Variants in SYCP2 observed in about 807,000 individuals in gnomAD.
SYCP2 encodes the protein synaptonemal complex lateral element protein.
In SYCP2, 55 loss-of-function variants were observed where a neutral mutation model predicts 211.3. That is an observed-to-expected ratio of 0.26 (90% CI 0.21 to 0.33). The LOEUF is 0.33. SYCP2 is among the 10% of genes least tolerant of loss of function. The probability of loss-of-function intolerance (pLI) is 1.00; values close to 1 mark genes in which losing one functional copy is unlikely to be tolerated. For synonymous variants in SYCP2, 570 were observed against 555.2 expected, an observed-to-expected ratio of 1.03 and a Z score of -0.37; for missense variants, 1,731 against 1,752.0, an observed-to-expected ratio of 0.99 and a Z score of 0.21.
chr20:59,916,975 A>C (rs1277692503), intron 7 of SYCP2, among the ~76,000 whole-genome samples: 1 of 152,182 alleles, frequency 6.6e-6, no homozygotes, highest in Non-Finnish European at 1.5e-5. Context: ...GTTCAGAAGA[A>C]GGCCCACCAG....
chr20:59,881,364 ACT>A (rs1472052511), intron 29 of SYCP2, 71 bp downstream of exon 29: 19 of 799,718 alleles, frequency 2.4e-5, no homozygotes, highest in South Asian at 8.5e-5. Flanking sequence ...TTGTTAAAAA[ACT>A]CTAAGACTGG....
intron 42 of SYCP2, 31 bp downstream of exon 42, chr20:59,865,776 A>G (rs2059320134): frequency 8.2e-7 from 1 of 1,213,852 alleles, no homozygotes; most frequent in East Asian, 2.8e-5. Flanking sequence ...CTAATTTTAT[A>G]GATTATAGCC....
At chr20:59,874,641 A>C (rs536502222) in intron 34 of SYCP2, among the ~76,000 whole-genome samples, 33 of 152,188 alleles carry the variant, frequency 2.2e-4, no homozygotes, top group Admixed American at 6.5e-4. Flanking sequence ...ATACTAACTG[A>C]TTTAAGTCTT....
Position 59,866,313 on chromosome 20 carries a change from C to A in SYCP2, c.4300G>T (p.Asp1434Tyr). 6.3e-7 allele frequency: 1 copy of A among 1,586,300 alleles called. No individual in the cohort carries two copies. Among genetic ancestry groups the A allele is most frequent in the Non-Finnish European group, 8.6e-7 (1 of 1,169,572 alleles). The change falls in exon 41 of 45, where the codon GAT becomes TAT. Residue 1434 changes from aspartate to tyrosine, a missense_variant. Asp to Tyr is a radical substitution (Grantham distance 160). Transcript: ENST00000357552. ...NFEKDSQSLK[D>Y]LEKEFVDFWE... Reference sequence around the variant, plus strand: ...CAAACCACAAATTCCTTTTCCAAATCTTTTAAAGACTGTGAATCTTTTTCA... The same window carrying A: ...CAAACCACAAATTCCTTTTCCAAATATTTTAAAGACTGTGAATCTTTTTCA...
chr20:59,919,102 C>A, intron 7 of SYCP2, 56 bp downstream of exon 7: 1 of 934,000 alleles, frequency 1.1e-6, no homozygotes, highest in Non-Finnish European at 1.7e-6. Flanking sequence ...TAAAATTATA[C>A]TAAAACTCTA....
chr20:59,911,960 G>A, intron 13 of SYCP2, 115 bp from the exon 14 acceptor site: 7 of 435,362 alleles, frequency 1.6e-5, no homozygotes, highest in Non-Finnish European at 2.9e-5. Context: ...AGAGAGAAGA[G>A]AAAGAACAGA....
intron 14 of SYCP2, among the ~76,000 whole-genome samples, chr20:59,909,711 C>T (rs551399454): frequency 1.8e-4 from 27 of 152,268 alleles, no homozygotes; most frequent in African/African-American, 6.5e-4. Context: ...TTCAATGTTC[C>T]GTTTACTCAT....
intron 1 of SYCP2, among the ~76,000 whole-genome samples, chr20:59,932,957 G>A (rs1009226722): frequency 1.3e-5 from 2 of 152,056 alleles, no homozygotes; most frequent in African/African-American, 2.4e-5. Context: ...TGGCAACAAC[G>A]AGGCCGAAGG....
At chr20:59,885,371 T>C (rs962955399) in intron 26 of SYCP2, among the ~76,000 whole-genome samples, 2 of 152,050 alleles carry the variant, frequency 1.3e-5, no homozygotes, top group South Asian at 2.1e-4. Context: ...ATAAAACCTA[T>C]TGTAACAATC....
At chr20:59,878,235 C>T (rs934732623) in intron 31 of SYCP2, among the ~76,000 whole-genome samples, 190 bp from the exon 32 acceptor site, 3 of 152,110 alleles carry the variant, frequency 2.0e-5, no homozygotes, top group Non-Finnish European at 4.4e-5. Context: ...CTCCTGACAC[C>T]GTAATCTTCT....
At chr20:59,885,402 C>T (rs1312180635) in intron 26 of SYCP2, among the ~76,000 whole-genome samples, 2 of 151,936 alleles carry the variant, frequency 1.3e-5, no homozygotes, top group African/African-American at 2.4e-5. Flanking sequence ...AAATCAGAAC[C>T]GAAACTGGGC....
rs1029404450 is a variant in SYCP2 at position 59,896,526 on chromosome 20, T to C, written c.1407A>G (p.Lys469=). The part of the protein sequence containing the change: ...KGNRNNSQLE[K]TTPSKRKMSE... ...ACATTTTTCTTTTGCTAGGAGTAGT[T>C]TTCTGAAACCACGATGAAAAACAAC... The change falls in exon 19 of 45, where the codon AAA becomes AAG. Residue 469 remains lysine, a splice_region_variant and synonymous_variant. Transcript: ENST00000357552. 9 of 1,579,800 alleles carry C rather than the reference T, an allele frequency of 5.7e-6. No individual in the cohort carries two copies. Among genetic ancestry groups the C allele is most frequent in the Non-Finnish European group, 7.8e-6 (9 of 1,150,792 alleles).
intron 18 of SYCP2, 91 bp from the exon 19 acceptor site, chr20:59,896,619 C>T (rs1425167011): frequency 1.5e-6 from 1 of 654,566 alleles, no homozygotes; most frequent in Non-Finnish European, 2.7e-6. Context: ...TGCCTTGATA[C>T]ATGCCAAAGA....
chr20:59,893,927 C>T (rs1490240333), intron 20 of SYCP2, among the ~76,000 whole-genome samples: 2 of 151,996 alleles, frequency 1.3e-5, no homozygotes, highest in Non-Finnish European at 2.9e-5. Context: ...ACATAGCCTG[C>T]TTTATCTATT....
chr20:59,914,562 T>C (rs2060396422), intron 10 of SYCP2, among the ~76,000 whole-genome samples: 1 of 152,004 alleles, frequency 6.6e-6, no homozygotes, highest in African/African-American at 2.4e-5. Context: ...ACCCACACAG[T>C]TGTCTGTAAG....
At chr20:59,927,678 C>G (rs943277106) in intron 2 of SYCP2, among the ~76,000 whole-genome samples, 2 of 152,134 alleles carry the variant, frequency 1.3e-5, no homozygotes, top group Non-Finnish European at 2.9e-5. Context: ...TACCTTTTCC[C>G]TACTCCTAGC....
At chr20:59,909,576 C>T (rs886487129) in intron 14 of SYCP2, among the ~76,000 whole-genome samples, 2 of 152,314 alleles carry the variant, frequency 1.3e-5, no homozygotes, top group Admixed American at 6.5e-5. Context: ...CTAGTACATA[C>T]GTGACACATA....
chr20:59,886,999 T>TAACTC (rs530358397), intron 24 of SYCP2, among the ~76,000 whole-genome samples, 165 bp from the exon 25 acceptor site: 81 of 149,866 alleles, frequency 5.4e-4, no homozygotes, highest in African/African-American at 2.0e-3. Flanking sequence ...GGCATTAAAA[T>TAACTC]AAGATAATTT....
intron 14 of SYCP2, among the ~76,000 whole-genome samples, chr20:59,910,388 T>TA (rs1402118721): frequency 2.2e-5 from 3 of 136,828 alleles, no homozygotes; most frequent in Admixed American, 1.4e-4. Context: ...TTTTTTTTTT[T>TA]TTTTTTTTTT....
Sources: allele counts gnomAD v4.1 joint callset (sites outside exome capture counted in the v4.1 genomes callset), GRCh38; gene constraint gnomAD v4.1.1; transcripts MANE v1.5; gene names NCBI Gene and HGNC (gene_info 2026-07-23, HGNC 2026-07-21).